The following POGK variants were observed in gnomAD, a reference collection of about 807,000 sequenced individuals.
The protein encoded by POGK is pogo transposable element derived with KRAB domain.
POGK carries 16 observed loss-of-function variants against 54.4 expected under a neutral mutation model. That is an observed-to-expected ratio of 0.29 (90% CI 0.20 to 0.45). POGK has a LOEUF of 0.45. Ranked by LOEUF, POGK falls within the 20% of genes least tolerant of loss-of-function variation. POGK has a pLI of 1.00. For synonymous variants in POGK, 271 were observed against 302.2 expected, an observed-to-expected ratio of 0.90 and a Z score of 1.07; for missense variants, 515 against 795.6, an observed-to-expected ratio of 0.65 and a Z score of 4.24.
rs2101773095 is a variant in POGK, at chr1:166,852,578, T to C, written c.*15-7T>C. On this transcript the variant is annotated splice_region_variant and splice_polypyrimidine_tract_variant and intron_variant, in intron 5 of 5. Coordinates refer to ENST00000367876, the MANE Select transcript of POGK (RefSeq NM_017542.5). The stretch of plus-strand genomic sequence containing the variant: ...GTTAATTCATTTAGGTTCTCTCTGT[T>C]TTCCAGCAAATGGAACTCTGATTTA... The C allele has an allele frequency of 6.6e-6, 1 of 152,384 alleles. No individual in the cohort carries two copies. The highest frequency in any genetic ancestry group is 3.4e-3 in the Middle Eastern group (1 of 294). 9.4% of individuals were successfully genotyped at this position (152,384 alleles called of 1,614,324 possible).
Position 166,849,565 on chromosome 1 carries a change from A to G in POGK, c.986A>G (p.Gln329Arg), listed in dbSNP as rs1270453635. The G allele has an allele frequency of 6.2e-7, 1 of 1,614,294 alleles. No individual in the cohort carries two copies. Among genetic ancestry groups the G allele is most frequent in the Non-Finnish European group, 8.5e-7 (1 of 1,180,054 alleles). Residue 329 changes from glutamine (Q) to arginine (R), a missense_variant, in exon 5 of 6, where the codon CAG becomes CGG. By Grantham distance (43) the Gln-to-Arg change is conservative. This residue lies in a region of POGK where 461 missense variants were observed against 743.5 expected (regional missense o/e 0.62). Transcript: ENST00000367876. Reference protein sequence around the residue: ...LSLRHKVPVPQHLPEDLTEKL... With the variant: ...LSLRHKVPVPRHLPEDLTEKL... Reference sequence around the variant, plus strand: ...CTGAGGCATAAAGTGCCCGTGCCCCAGCACCTGCCGGAAGACCTGACTGAG... The same window carrying G: ...CTGAGGCATAAAGTGCCCGTGCCCCGGCACCTGCCGGAAGACCTGACTGAG...
rs946886490 is a variant in POGK, at chr1:166,854,033, T to G, written c.*1463T>G. ...AGTTTCCATTCCCTCCAATTCCACC[T>G]AATTTTTCATCTGTCCTAGTTACTG... is the stretch of plus-strand genomic sequence containing the variant. On this transcript the variant is annotated 3_prime_UTR_variant, in exon 6 of 6. Transcript: ENST00000367876. 1 of 152,280 alleles carries G rather than the reference T, an allele frequency of 6.6e-6. No homozygotes were observed. The allele number at this position is 152,280 out of a possible 1,614,324, so 9.4% of individuals were successfully genotyped here.
exon 6 of POGK, chr1:166,856,355 A>AAAAAAG (rs1658275258): frequency 6.6e-6 from 1 of 151,920 alleles, no homozygotes; most frequent in African/African-American, 2.4e-5. Flanking sequence ...AAAAAAAAAA[A>AAAAAAG]AAAAGAAATG....
chr1:166,846,508 T>G, intron 2 of POGK, 104 bp from the exon 3 acceptor site: 1 of 1,466,404 alleles, frequency 6.8e-7, no homozygotes, highest in Non-Finnish European at 9.4e-7. Flanking sequence ...ACCTGACCTG[T>G]GAGAGGACAG....
chr1:166,846,525 C>A, intron 2 of POGK, 87 bp from the exon 3 acceptor site: 1 of 1,545,252 alleles, frequency 6.5e-7, no homozygotes, highest in Non-Finnish European at 8.9e-7. Context: ...ACAGGCTGTG[C>A]TGGGCTGTCT....
chr1:166,846,530 C>G, intron 2 of POGK, 82 bp from the exon 3 acceptor site: 1 of 1,562,074 alleles, frequency 6.4e-7, no homozygotes, highest in Middle Eastern at 1.7e-4. Context: ...CTGTGCTGGG[C>G]TGTCTGTAAG....
At position 166,848,923 on chromosome 1, in the gene POGK, C is replaced by T. The variant is rs767952551; in HGVS notation, c.359-15C>T. ...TTACTGGCATTATTTTTGCCCCTCA[C>T]TATTTGTCTCCCAGAAAATGAAGAA... On this transcript the variant is annotated splice_polypyrimidine_tract_variant and intron_variant, in intron 4 of 5. Coordinates refer to ENST00000367876, the MANE Select transcript of POGK (RefSeq NM_017542.5). The T allele has an allele frequency of 3.2e-6, 5 of 1,569,754 alleles. No individual in the cohort carries two copies. In the African/African-American group the frequency reaches 4.1e-5, roughly 13 times the overall value.
In POGK at chr1:166,840,885, C is replaced by T. The variant is rs571542783; in HGVS notation, c.-2-70C>T. On this transcript the variant is annotated intron_variant, in intron 1 of 5. Coordinates refer to ENST00000367876, the MANE Select transcript of POGK (RefSeq NM_017542.5). ...TAAAGAGGTTTGTATGTGGCTCAGC[C>T]TCCCCCATCATAGGCTTTGGGGAGG... The T allele has an allele frequency of 3.1e-4, 493 of 1,587,174 alleles. No homozygotes were observed. In the African/African-American group the frequency reaches 6.0e-3, roughly 19 times the overall value.
Position 166,853,538 on chromosome 1 carries a change from T to C in POGK, c.*968T>C, listed in dbSNP as rs1228744482. On this transcript the variant is annotated 3_prime_UTR_variant, in exon 6 of 6. Transcript: ENST00000367876. ...GCCACAGCTGTTTTAAGACTTCTGA[T>C]CTCCTGCCCTGCAGGAATAGGTGGG... is the stretch of plus-strand genomic sequence containing the variant. 6.6e-6 allele frequency: 1 copy of C among 152,656 alleles called. No individual in the cohort carries two copies. The highest frequency in any genetic ancestry group is 1.5e-5 in the Non-Finnish European group (1 of 68,036). The allele number at this position is 152,656 out of a possible 1,614,324, so 9.5% of individuals were successfully genotyped here.
At chr1:166,846,868 C>A in intron 3 of POGK, 130 bp downstream of exon 3, 1 of 1,258,756 alleles carries the variant, frequency 7.9e-7, no homozygotes, top group Non-Finnish European at 1.1e-6. Context: ...TGTCTGTGCC[C>A]ATTTATTCCA....
rs1047673185 is a variant in POGK at position 166,853,691 on chromosome 1, A to AG, written c.*1122dup. The AG allele has an allele frequency of 7.9e-6, 1 of 127,086 alleles. No homozygotes were observed. Among genetic ancestry groups the AG allele is most frequent in the African/African-American group, 2.8e-5 (1 of 35,766 alleles). 7.9% of individuals were successfully genotyped at this position (127,086 alleles called of 1,614,324 possible). ...GGACCTCACAGACAAAGCCATTGCT[A>AG]GAAATGTCATTCCAATGATCAGATC... On this transcript the variant is annotated 3_prime_UTR_variant, in exon 6 of 6. Transcript: ENST00000367876.
rs1310238538 is a variant in POGK, at chr1:166,853,041, G to C, written c.*471G>C. Reference sequence around the variant, plus strand: ...GCCTTTGAAAATGCTTCCAAAAGTAGACCCTGTCCCCACACAGGTCAAGAC... The same window carrying C: ...GCCTTTGAAAATGCTTCCAAAAGTACACCCTGTCCCCACACAGGTCAAGAC... On this transcript the variant is annotated 3_prime_UTR_variant, in exon 6 of 6. Transcript: ENST00000367876. 6.6e-6 allele frequency: 1 copy of C among 152,212 alleles called. No individual in the cohort carries two copies. The highest frequency in any genetic ancestry group is 1.5e-5 in the Non-Finnish European group (1 of 68,030). 9.4% of individuals were successfully genotyped at this position (152,212 alleles called of 1,614,324 possible). A position where few individuals can be genotyped will look rare whatever the true frequency, so the allele number is the denominator to read the frequency against.
Position 166,846,689 on chromosome 1 carries a change from C to G in POGK, c.210C>G (p.Ala70=), listed in dbSNP as rs1436896770. Residue 70 remains alanine (A), a synonymous_variant, in exon 3 of 6, where the codon GCC becomes GCG. Transcript: ENST00000367876. Reference sequence around the variant, plus strand: ...AAGTTTTGACGGAGCAACAAAAGGCCCTCTACCGGGAAGTCATGAGGATGA... The same window carrying G: ...AAGTTTTGACGGAGCAACAAAAGGCGCTCTACCGGGAAGTCATGAGGATGA... ...EWEVLTEQQK[A]LYREVMRMNY... is the part of the protein sequence containing the mutation. 7 of 1,613,942 alleles carry G rather than the reference C, an allele frequency of 4.3e-6. No homozygotes were observed. The highest frequency in any genetic ancestry group is 5.1e-6 in the Non-Finnish European group (6 of 1,180,012).
chr1:166,849,180 G>A lies in POGK; in HGVS notation c.601G>A (p.Asp201Asn). Residue 201 changes from aspartate to asparagine, a missense_variant, in exon 5 of 6, where the codon GAC becomes AAC. Asp to Asn is a conservative substitution (Grantham distance 23). Coordinates refer to ENST00000367876, the MANE Select transcript of POGK (RefSeq NM_017542.5). ...QFSRGMRRSYDAGFKLMVVEY... is the reference protein window; with the variant it reads ...QFSRGMRRSYNAGFKLMVVEY... ...CAGCCGGGGCATGCGCCGCAGTTACGACGCAGGGTTCAAGCTGATGGTAGT... is the reference window on the plus strand; with the variant it reads ...CAGCCGGGGCATGCGCCGCAGTTACAACGCAGGGTTCAAGCTGATGGTAGT... 1.9e-6 allele frequency: 3 copies of A among 1,614,194 alleles called. No individual in the cohort carries two copies. Among genetic ancestry groups the A allele is most frequent in the Non-Finnish European group, 1.7e-6 (2 of 1,180,042 alleles).
At position 166,846,679 on chromosome 1, in the gene POGK, A is replaced by G; in HGVS notation, c.200A>G (p.Gln67Arg). 1 of 1,614,214 alleles carries G rather than the reference A, an allele frequency of 6.2e-7. No individual in the cohort carries two copies. Among genetic ancestry groups the G allele is most frequent in the Non-Finnish European group, 8.5e-7 (1 of 1,180,038 alleles). ...SDEEWEVLTE[Q>R]QKALYREVMR... is the part of the protein sequence containing the mutation. ...GAGGAATGGGAAGTTTTGACGGAGC[A>G]ACAAAAGGCCCTCTACCGGGAAGTC... is the stretch of plus-strand genomic sequence containing the variant. The change falls in exon 3 of 6, where the codon CAA (glutamine) becomes CGA (arginine). Residue 67 changes from glutamine (Q) to arginine (R), a missense_variant. This residue lies in a region of POGK where 461 missense variants were observed against 743.5 expected (regional missense o/e 0.62). Coordinates refer to ENST00000367876, the MANE Select transcript of POGK (RefSeq NM_017542.5).
In POGK at chr1:166,847,537, G is replaced by A; in HGVS notation, c.303G>A (p.Gly101=). The change falls in exon 4 of 6, where the codon GGG becomes GGA. Residue 101 remains glycine, a synonymous_variant. Coordinates refer to ENST00000367876, the MANE Select transcript of POGK (RefSeq NM_017542.5). ...PKPDMITRLE[G]EEESQNSDEW... is the part of the protein sequence containing the mutation. ...CAGACATGATCACCCGTTTGGAAGG[G>A]GAGGAGGAGTCTCAGAATTCTGACG... The A allele has an allele frequency of 6.2e-7, 1 of 1,613,920 alleles. No individual in the cohort carries two copies. The highest frequency in any genetic ancestry group is 2.2e-5 in the East Asian group (1 of 44,872).
chr1:166,839,674 C>T (rs1189397492), intron 1 of POGK, 70 bp downstream of exon 1: 1 of 141,852 alleles, frequency 7.0e-6, no homozygotes, highest in East Asian at 2.1e-4. Context: ...TGGGCCGCGG[C>T]AGAGGCGGGG....
intron 3 of POGK, 87 bp downstream of exon 3, chr1:166,846,825 C>T: frequency 6.5e-7 from 1 of 1,534,366 alleles, no homozygotes; most frequent in Non-Finnish European, 8.9e-7. Context: ...ATCCAATGTC[C>T]CTCTCTCCTG....
Position 166,849,420 on chromosome 1 carries a change from A to T in POGK, c.841A>T (p.Thr281Ser), listed in dbSNP as rs1201256940. ...CATGCAGGCCAAAGGGGACCCCATC[A>T]CCCGGGAGGCGATGCAGCTGAAAGC... is the stretch of plus-strand genomic sequence containing the variant. ...RYMQAKGDPI[T>S]REAMQLKALE... The change falls in exon 5 of 6, where the codon ACC becomes TCC. Residue 281 changes from threonine (T) to serine (S), a missense_variant. Thr to Ser is a moderately conservative substitution (Grantham distance 58). Around this residue, in one of 2 missense-constraint regions of POGK, gnomAD observed 461 missense variants for 743.5 expected, o/e 0.62. Transcript: ENST00000367876. 6.2e-7 allele frequency: 1 copy of T among 1,614,202 alleles called. No homozygotes were observed. Among genetic ancestry groups the T allele is most frequent in the South Asian group, 1.1e-5 (1 of 91,084 alleles).
Sources: allele counts gnomAD v4.1 joint callset, GRCh38; gene constraint gnomAD v4.1.1; regional missense constraint gnomAD v4.1.1; transcripts MANE v1.5; gene names NCBI Gene and HGNC (gene_info 2026-07-23, HGNC 2026-07-21).